Variants in LGR6 observed in about 807,000 individuals in gnomAD.
LGR6 encodes leucine rich repeat containing G protein-coupled receptor 6.
In LGR6, 45 loss-of-function variants were observed where a neutral mutation model predicts 69.4. The ratio of observed to expected loss-of-function variants is 0.65; its 90% CI spans 0.51 to 0.83. The LOEUF (loss-of-function observed/expected upper bound fraction) is 0.83. Among genes scored for constraint, LGR6 ranks in the 40% least tolerant of loss-of-function variants. The pLI, the probability that LGR6 is intolerant of heterozygous loss-of-function variation, is 0.00. For synonymous variants in LGR6, 538 were observed against 555.0 expected (o/e 0.97, Z 0.43); for missense variants, 1,108 against 1,246.7 (o/e 0.89, Z 1.68).
intron 1 of LGR6, among the ~76,000 whole-genome samples, chr1:202,210,167 G>T (rs558302133): frequency 3.9e-5 from 6 of 152,250 alleles, no homozygotes; most frequent in Non-Finnish European, 7.4e-5. Context: ...CTCTGGGGGA[G>T]GCCTCCCCTC....
intron 5 of LGR6, 41 bp downstream of exon 5, chr1:202,276,562 T>G (rs749449331): frequency 1.4e-6 from 2 of 1,470,424 alleles, no homozygotes; most frequent in East Asian, 4.8e-5. Context: ...GGGGTCCTGC[T>G]GGGGGCTGGG....
At chr1:202,218,217 C>A (rs1659913666) in intron 1 of LGR6, among the ~76,000 whole-genome samples, 1 of 152,184 alleles carries the variant, frequency 6.6e-6, no homozygotes, top group African/African-American at 2.4e-5. Flanking sequence ...TGTTCCTGCA[C>A]TAGCAAATTG....
At chr1:202,277,459 G>T (rs1307031014) in intron 5 of LGR6, among the ~76,000 whole-genome samples, 1 of 152,054 alleles carries the variant, frequency 6.6e-6, no homozygotes, top group Non-Finnish European at 1.5e-5. Flanking sequence ...TCACGGGGCA[G>T]GGTGGGGGGG....
At chr1:202,254,048 G>A (rs1291879024) in intron 4 of LGR6, among the ~76,000 whole-genome samples, 4 of 151,276 alleles carry the variant, frequency 2.6e-5, no homozygotes, top group African/African-American at 4.9e-5. Context: ...CTCGTGATCC[G>A]CCCGCCTCGG....
At chr1:202,287,740 G>T (rs60734593) in intron 6 of LGR6, among the ~76,000 whole-genome samples, 9 of 152,210 alleles carry the variant, frequency 5.9e-5, no homozygotes, top group Non-Finnish European at 1.3e-4. Context: ...CAAGCTGTCA[G>T]CAAACTCCAT....
intron 1 of LGR6, among the ~76,000 whole-genome samples, chr1:202,213,803 T>G (rs1659574008): frequency 6.6e-6 from 1 of 152,146 alleles, no homozygotes; most frequent in Non-Finnish European, 1.5e-5. Context: ...AAACAACTGC[T>G]AAGTGTTAGG....
At chr1:202,288,903 G>A (rs990763236) in intron 6 of LGR6, among the ~76,000 whole-genome samples, 12 of 152,188 alleles carry the variant, frequency 7.9e-5, no homozygotes, top group Non-Finnish European at 1.3e-4. Context: ...CCTTCAGGTC[G>A]CCTGCATTAA....
intron 4 of LGR6, among the ~76,000 whole-genome samples, chr1:202,275,279 G>A (rs986770091): frequency 4.6e-5 from 7 of 152,288 alleles, no homozygotes; most frequent in African/African-American, 1.7e-4. Flanking sequence ...TAGATCCATG[G>A]TACAGGTCAG....
chr1:202,250,414 A>T (rs1008846066), intron 4 of LGR6, among the ~76,000 whole-genome samples: 1 of 149,854 alleles, frequency 6.7e-6, no homozygotes, highest in Non-Finnish European at 1.5e-5. Context: ...TATTATTATT[A>T]TTATTTTTTG....
At chr1:202,194,672 T>G (rs1158235748) in intron 1 of LGR6, 2 of 396,288 alleles carry the variant, frequency 5.0e-6, no homozygotes, top group East Asian at 1.0e-4. Context: ...ACAACAGGGC[T>G]GTCACACTGA....
intron 13 of LGR6, 136 bp downstream of exon 13, chr1:202,307,075 C>A (rs1558081351): frequency 8.9e-6 from 7 of 785,022 alleles, no homozygotes; most frequent in Non-Finnish European, 1.3e-5. Context: ...ACAGCCCCCA[C>A]CCCCAGCACA....
At chr1:202,242,037 T>C (rs1375691184) in intron 4 of LGR6, among the ~76,000 whole-genome samples, 1 of 152,100 alleles carries the variant, frequency 6.6e-6, no homozygotes, top group Non-Finnish European at 1.5e-5. Flanking sequence ...CCAGGGTGGA[T>C]AGATGATGTG....
intron 10 of LGR6, among the ~76,000 whole-genome samples, chr1:202,304,195 C>A (rs1667809497): frequency 1.3e-5 from 2 of 152,212 alleles, no homozygotes. Context: ...ATCCCCTCCT[C>A]TAAGGTCCCT....
chr1:202,294,952 C>G (rs1667042108), intron 6 of LGR6, among the ~76,000 whole-genome samples: 4 of 152,206 alleles, frequency 2.6e-5, no homozygotes. Context: ...TGGGGAAGAG[C>G]ATGCTAGGCC....
chr1:202,249,406 T>C (rs71635578), intron 4 of LGR6, among the ~76,000 whole-genome samples: 9,134 of 152,232 alleles, frequency 0.06, 376 homozygotes, highest in Non-Finnish European at 0.094. Context: ...CTTTGGGAGC[T>C]CTGCCCTATC....
chr1:202,204,708 C>T (rs1271200115), intron 1 of LGR6, among the ~76,000 whole-genome samples: 28 of 141,538 alleles, frequency 2.0e-4, no homozygotes, highest in South Asian at 7.1e-4. Flanking sequence ...CACACACACA[C>T]ACCTAACACA....
rs775156744 is a variant in LGR6, at chr1:202,304,616, C to T, written c.1056C>T (p.Pro352=). 9.3e-6 allele frequency: 15 copies of T among 1,610,484 alleles called. No individual in the cohort carries two copies. The highest frequency in any genetic ancestry group is 8.8e-5 in the South Asian group (8 of 90,804). Residue 352 remains proline (P), a synonymous_variant, in exon 11 of 18, where the codon CCC becomes CCT. Coordinates refer to ENST00000367278, the MANE Select transcript of LGR6 (RefSeq NM_001017403.2). ...CATCGGGGATGTGCCAACAGCTGCC[C>T]AGGCTCCGAGTCCTGTGAGTGCTCA... ...LLPSGMCQQL[P]RLRVLELSHN...
intron 14 of LGR6, 61 bp downstream of exon 14, chr1:202,307,462 C>T: frequency 1.3e-6 from 2 of 1,498,712 alleles, no homozygotes; most frequent in Non-Finnish European, 1.9e-6. Flanking sequence ...ATGGGCTGGC[C>T]AATGGAGGCA....
intron 1 of LGR6, among the ~76,000 whole-genome samples, chr1:202,211,552 G>A (rs1288844827): frequency 6.6e-6 from 1 of 152,080 alleles, no homozygotes; most frequent in African/African-American, 2.4e-5. Context: ...GTAGAGATGG[G>A]GTTTCACCAT....
Sources: allele counts gnomAD v4.1 joint callset (sites outside exome capture counted in the v4.1 genomes callset), GRCh38; gene constraint gnomAD v4.1.1; transcripts MANE v1.5; gene names NCBI Gene and HGNC (gene_info 2026-07-23, HGNC 2026-07-21).